The following PCDH15 variants were observed in gnomAD, a reference collection of about 807,000 sequenced individuals.
The protein encoded by PCDH15 is protocadherin related 15, also known as protocadherin-15.
A neutral mutation model predicts 178.5 loss-of-function variants in PCDH15; 129 were observed. The ratio of observed to expected loss-of-function variants is 0.72; its 90% CI spans 0.63 to 0.84. The LOEUF is 0.84. Ranked by LOEUF, PCDH15 falls within the 40% of genes least tolerant of loss-of-function variation. The pLI is 0.00. For missense variants in PCDH15, 2,230 were observed against 2,099.9 expected, an observed-to-expected ratio of 1.06 and a Z score of -1.21; for synonymous variants, 800 against 732.0, an observed-to-expected ratio of 1.09 and a Z score of -1.50.
At chr10:54,477,346 C>G (rs2078345214) in intron 3 of PCDH15, among the ~76,000 whole-genome samples, 1 of 152,104 alleles carries the variant, frequency 6.6e-6, no homozygotes, top group Non-Finnish European at 1.5e-5. Flanking sequence ...TCAGGAAGCC[C>G]TCCTGGATCC....
At chr10:53,887,591 A>T (rs1340593820) in intron 26 of PCDH15, among the ~76,000 whole-genome samples, 3 of 152,178 alleles carry the variant, frequency 2.0e-5, no homozygotes, top group African/African-American at 7.2e-5. Context: ...CTGTATTTTT[A>T]AAAACTCATT....
intron 25 of PCDH15, chr10:53,905,384 A>C: frequency 2.4e-6 from 1 of 410,444 alleles, no homozygotes; most frequent in Non-Finnish European, 4.8e-6. Flanking sequence ...CCCAGGCTGG[A>C]GTGCAGTGGC....
At chr10:54,012,802 A>C (rs867981808) in intron 20 of PCDH15, among the ~76,000 whole-genome samples, 1 of 152,170 alleles carries the variant, frequency 6.6e-6, no homozygotes, top group African/African-American at 2.4e-5. Context: ...GGAGTGCTAC[A>C]TGTGAACAGC....
intron 1 of PCDH15, among the ~76,000 whole-genome samples, chr10:54,798,729 T>C (rs952510079): frequency 1.3e-5 from 2 of 152,130 alleles, no homozygotes; most frequent in Non-Finnish European, 2.9e-5. Context: ...AACTTTTCCT[T>C]GTGTTCAAAT....
chr10:54,959,432 C>CA (rs1356895810), intron 2 of PCDH15, among the ~76,000 whole-genome samples: 1 of 151,872 alleles, frequency 6.6e-6, no homozygotes, highest in East Asian at 1.9e-4. Context: ...GTAAGAATCA[C>CA]AAATAGATGT....
intron 17 of PCDH15, among the ~76,000 whole-genome samples, chr10:54,072,324 T>C (rs926761094): frequency 5.9e-5 from 9 of 152,170 alleles, no homozygotes; most frequent in Non-Finnish European, 1.2e-4. Flanking sequence ...TAAGCGCAAG[T>C]CATCTTGTTG....
At chr10:54,170,542 C>T (rs1429155044) in intron 13 of PCDH15, among the ~76,000 whole-genome samples, 1 of 151,298 alleles carries the variant, frequency 6.6e-6, no homozygotes, top group Non-Finnish European at 1.5e-5. Context: ...CTTCCCAGCT[C>T]CTTCAGCTAT....
At chr10:54,196,536 G>T (rs1011020514) in intron 10 of PCDH15, among the ~76,000 whole-genome samples, 15 of 152,052 alleles carry the variant, frequency 9.9e-5, no homozygotes, top group African/African-American at 3.4e-4. Context: ...TGAGTGTACC[G>T]CTGATAAAAT....
Position 54,556,188 on chromosome 10 carries a change from T to C in PCDH15, c.92-28311A>G, listed in dbSNP as rs574065952. Among the ~76,000 whole-genome samples the C allele has an allele frequency of 2.0e-5, 3 of 152,326 alleles. No homozygotes were observed. In the South Asian group the frequency reaches 6.2e-4, roughly 32 times the overall value. Reference sequence around the variant, plus strand: ...AATTTCCATGCTACCTGAGATTATGTATTTTAGCATTCTAAATCCATGTTC... The same window carrying C: ...AATTTCCATGCTACCTGAGATTATGCATTTTAGCATTCTAAATCCATGTTC... On this transcript the variant is annotated intron_variant, in intron 2 of 37. Coordinates refer to ENST00000644397, the MANE Select transcript of PCDH15 (RefSeq NM_001384140.1).
intron 2 of PCDH15, among the ~76,000 whole-genome samples, chr10:55,388,568 A>G (rs1837717496): frequency 6.6e-6 from 1 of 152,090 alleles, no homozygotes; most frequent in Non-Finnish European, 1.5e-5. Flanking sequence ...TGGGTTAATA[A>G]TGAGAAGAAA....
Position 55,422,665 on chromosome 10 carries a change from G to A in PCDH15, c.-156+204960C>T, listed in dbSNP as rs903158007. ...ATCTTTTCCAACATAGCAGCTTATT[G>A]AGTTCAGGTTTTGTTAGGAACAAGA... On this transcript the variant is annotated intron_variant, in intron 2 of 5. Coordinates refer to the PCDH15 transcript ENST00000613346. 1.1e-4 allele frequency among the ~76,000 whole-genome samples: 16 copies of A among 151,912 alleles called. 1 individual carries two copies. Among genetic ancestry groups the A allele is most frequent in the Admixed American group, 8.5e-4 (13 of 15,228 alleles).
intron 9 of PCDH15, among the ~76,000 whole-genome samples, chr10:54,235,404 G>C (rs906820118): frequency 6.6e-6 from 1 of 152,154 alleles, no homozygotes; most frequent in Non-Finnish European, 1.5e-5. Context: ...AAATAAACTT[G>C]AACACCAATG....
At chr10:55,008,397 C>T (rs1445106532) in intron 2 of PCDH15, among the ~76,000 whole-genome samples, 1 of 152,140 alleles carries the variant, frequency 6.6e-6, no homozygotes, top group Non-Finnish European at 1.5e-5. Flanking sequence ...TGGGAATTTA[C>T]AAGGATATCT....
At chr10:55,036,137 C>T (rs1840729088) in intron 2 of PCDH15, among the ~76,000 whole-genome samples, 1 of 152,106 alleles carries the variant, frequency 6.6e-6, no homozygotes, top group South Asian at 2.1e-4. Context: ...GGACTTGAGA[C>T]AATGAGTTCA....
chr10:55,159,597 T>C (rs1002005107), intron 2 of PCDH15, among the ~76,000 whole-genome samples: 1 of 148,388 alleles, frequency 6.7e-6, no homozygotes, highest in African/African-American at 2.5e-5. Context: ...AAACTGTCTT[T>C]TGTAAATGTG....
intron 3 of PCDH15, among the ~76,000 whole-genome samples, chr10:54,502,707 T>C (rs1018006679): frequency 6.6e-6 from 1 of 152,084 alleles, no homozygotes; most frequent in African/African-American, 2.4e-5. Flanking sequence ...CTCAATTTTA[T>C]AAATAATAAA....
intron 2 of PCDH15, among the ~76,000 whole-genome samples, chr10:55,563,846 C>A (rs1460044472): frequency 6.6e-6 from 1 of 151,696 alleles, no homozygotes; most frequent in East Asian, 1.9e-4. Context: ...AATTCCATAA[C>A]CTATCCCCCA....
At chr10:53,823,545 T>C in intron 32 of PCDH15, 1 of 733,090 alleles carries the variant, frequency 1.4e-6, no homozygotes, top group Admixed American at 2.0e-5. Flanking sequence ...CAGAAAAATC[T>C]TAGAGTTGTG....
chr10:54,960,827 G>A (rs761666500), intron 2 of PCDH15, among the ~76,000 whole-genome samples: 1 of 152,076 alleles, frequency 6.6e-6, no homozygotes, highest in Non-Finnish European at 1.5e-5. Context: ...GGCATGTACA[G>A]AAAGATAGTA....
Sources: gnomAD v4.1 joint callset for allele counts (sites outside exome capture counted in the v4.1 genomes callset) on GRCh38, gnomAD v4.1.1 for gene constraint, MANE v1.5 for transcripts, NCBI Gene and HGNC (gene_info 2026-07-23, HGNC 2026-07-21) for gene names.